KLHL25: variants seen among roughly 807,000 people sequenced by gnomAD.
KLHL25 encodes the protein kelch like family member 25.
In KLHL25, 41 loss-of-function variants were observed where a neutral mutation model predicts 30.0. That is an observed-to-expected ratio of 1.37 (90% confidence interval 1.07 to 1.78). The LOEUF is 1.78. Among genes scored for constraint, KLHL25 ranks in the 40% most tolerant of loss-of-function variants. The pLI is 0.00. For missense variants in KLHL25, 971 were observed against 824.5 expected (o/e 1.18, Z -2.18); for synonymous variants, 399 against 355.3 (o/e 1.12, Z -1.38).
rs555483438 is a variant in KLHL25 at position 85,776,879 on chromosome 15, G to A, written c.-10-7059C>T. Among the ~76,000 whole-genome samples, 197 of 151,428 alleles carry A rather than the reference G, an allele frequency of 1.3e-3. 1 individual carries two copies. Among genetic ancestry groups the A allele is most frequent in the Middle Eastern group, 0.01 (3 of 292 alleles). Reference sequence around the variant, plus strand: ...GGCGGAGGTTGCAGTGAGCCGAGATGCCACCATCGCACTCCAGCCTGGGGG... The same window carrying A: ...GGCGGAGGTTGCAGTGAGCCGAGATACCACCATCGCACTCCAGCCTGGGGG... On this transcript the variant is annotated intron_variant, in intron 1 of 2. Transcript: ENST00000337975.
At chr15:85,792,199 G>A (rs1379838554) in intron 1 of KLHL25, among the ~76,000 whole-genome samples, 2 of 152,142 alleles carry the variant, frequency 1.3e-5, no homozygotes, top group East Asian at 3.8e-4. Flanking sequence ...GTCCTGTTGG[G>A]ATGCTGTGAC....
intron 2 of KLHL25, chr15:85,762,347 TC>T (rs1567236614): frequency 6.6e-6 from 1 of 152,456 alleles, no homozygotes; most frequent in Non-Finnish European, 1.5e-5. Context: ...CCTGGGGGTG[TC>T]CCCCAAGGCA....
At chr15:85,785,670 C>G (rs559292022) in intron 1 of KLHL25, among the ~76,000 whole-genome samples, 1 of 152,084 alleles carries the variant, frequency 6.6e-6, no homozygotes, top group South Asian at 2.1e-4. Context: ...ACGTGTCTTG[C>G]TTTGTACAAC....
intron 1 of KLHL25, among the ~76,000 whole-genome samples, chr15:85,781,586 C>T (rs1204118862): frequency 3.3e-5 from 5 of 152,126 alleles, no homozygotes; most frequent in Non-Finnish European, 7.4e-5. Flanking sequence ...TGGGTTCAAG[C>T]AATTCTCCTG....
chr15:85,766,801 T>C (rs1420433745), intron 2 of KLHL25, among the ~76,000 whole-genome samples: 2 of 152,204 alleles, frequency 1.3e-5, no homozygotes, highest in African/African-American at 4.8e-5. Flanking sequence ...TCGCTTAAGC[T>C]AGACGCCTGC....
rs776768594 is a variant in KLHL25 at position 85,760,190 on chromosome 15, T to G, written c.*846A>C. 1 of 152,158 alleles carries G rather than the reference T, an allele frequency of 6.6e-6. No individual in the cohort carries two copies. 9.4% of individuals were successfully genotyped at this position (152,158 alleles called of 1,614,324 possible). A position where few individuals can be genotyped will look rare whatever the true frequency, so the allele number is the denominator to read the frequency against. ...GGTCTTGGAGGGCAGCGTGGTCTCC[T>G]GGGGAGAAGCCCCCAGTGCTGTTGG... On this transcript the variant is annotated 3_prime_UTR_variant, in exon 3 of 3. Transcript: ENST00000337975.
Position 85,769,191 on chromosome 15 carries a change from T to C in KLHL25, c.620A>G (p.Glu207Gly). 6.2e-7 allele frequency: 1 copy of C among 1,613,586 alleles called. No homozygotes were observed. Among genetic ancestry groups the C allele is most frequent in the Non-Finnish European group, 8.5e-7 (1 of 1,180,008 alleles). ...ISSDELETED[E>G]RVVFEAILQW... ...GAGGATGGCCTCGAAGACCACCCGC[T>C]CGTCCTCGGTCTCCAGCTCATCACT... is the stretch of plus-strand genomic sequence containing the variant. The change falls in exon 2 of 3, where the codon GAG becomes GGG. Residue 207 changes from glutamate (E) to glycine (G), a missense_variant. By Grantham distance (98) the Glu-to-Gly change is moderately conservative. Transcript: ENST00000337975.
intron 1 of KLHL25, chr15:85,770,991 A>G (rs1353212030): frequency 4.8e-6 from 1 of 206,596 alleles, no homozygotes; most frequent in East Asian, 1.5e-4. Context: ...CCTAGAGAAA[A>G]CATGGCCAAC....
chr15:85,786,014 C>G (rs554919113), intron 1 of KLHL25, among the ~76,000 whole-genome samples: 2 of 123,564 alleles, frequency 1.6e-5, no homozygotes, highest in African/African-American at 6.1e-5. Context: ...GAGTGAGATG[C>G]TTCCCTTACT....
intron 1 of KLHL25, among the ~76,000 whole-genome samples, chr15:85,782,832 C>A (rs1286129207): frequency 1.3e-5 from 2 of 152,206 alleles, no homozygotes; most frequent in Non-Finnish European, 2.9e-5. Flanking sequence ...TGCTGGACAG[C>A]ACTGTTCACT....
intron 1 of KLHL25, among the ~76,000 whole-genome samples, chr15:85,785,163 G>A (rs1384725900): frequency 2.1e-5 from 3 of 146,256 alleles, no homozygotes; most frequent in Admixed American, 7.0e-5. Flanking sequence ...GTGTGATCTC[G>A]GCTCACTGCC....
chr15:85,776,124 G>T (rs1269170662), intron 1 of KLHL25, among the ~76,000 whole-genome samples: 1 of 149,892 alleles, frequency 6.7e-6, no homozygotes, highest in South Asian at 2.1e-4. Flanking sequence ...AGTGGGCCGA[G>T]ATCACGCCAC....
At chr15:85,770,938 C>CCTG in intron 1 of KLHL25, 2 of 242,468 alleles carry the variant, frequency 8.2e-6, no homozygotes, top group Non-Finnish European at 1.6e-5. Context: ...CAGTTCAGTA[C>CCTG]TTTGAACTCA....
At position 85,759,446 on chromosome 15, in the gene KLHL25, C is replaced by G. The variant is rs1166408007; in HGVS notation, c.*1590G>C. 2 of 152,502 alleles carry G rather than the reference C, an allele frequency of 1.3e-5. No individual in the cohort carries two copies. Among genetic ancestry groups the G allele is most frequent in the African/African-American group, 4.8e-5 (2 of 41,472 alleles). The allele number at this position is 152,502 out of a possible 1,614,324, so 9.4% of individuals were successfully genotyped here. A position where few individuals can be genotyped will look rare whatever the true frequency, so the allele number is the denominator to read the frequency against. ...TGTGCTTTATCTCAATGAAGCAACC[C>G]CACGGGTCCAGGCACCCTCCCTGCA... On this transcript the variant is annotated 3_prime_UTR_variant, in exon 3 of 3. Coordinates refer to ENST00000337975, the MANE Select transcript of KLHL25 (RefSeq NM_022480.4).
At chr15:85,767,059 T>C (rs369406786) in intron 2 of KLHL25, among the ~76,000 whole-genome samples, 95 of 151,890 alleles carry the variant, frequency 6.3e-4, no homozygotes, top group African/African-American at 2.2e-3. Flanking sequence ...GGCATGATCT[T>C]GGCTCACTGC....
chr15:85,766,301 G>A (rs1397815942), intron 2 of KLHL25, among the ~76,000 whole-genome samples: 1 of 152,216 alleles, frequency 6.6e-6, no homozygotes, highest in Non-Finnish European at 1.5e-5. Flanking sequence ...AGTGCACCCA[G>A]GGATCTTATG....
At chr15:85,782,105 C>G (rs1597279660) in intron 1 of KLHL25, among the ~76,000 whole-genome samples, 1 of 151,970 alleles carries the variant, frequency 6.6e-6, no homozygotes, top group Non-Finnish European at 1.5e-5. Flanking sequence ...TAGCAAAGTA[C>G]AGGGGCCGTG....
At position 85,768,482 on chromosome 15, in the gene KLHL25, C is replaced by T; in HGVS notation, c.1329G>A (p.Lys443=). The change falls in exon 2 of 3, where the codon AAG becomes AAA. Residue 443 remains lysine (K), a synonymous_variant. Coordinates refer to ENST00000337975, the MANE Select transcript of KLHL25 (RefSeq NM_022480.4). ...TTCCTCCGAAAACAAAGAGCTTCAG[C>T]TTGGCACTCACCACTGCGGCATTGC... is the stretch of plus-strand genomic sequence containing the variant. ...GVSNAAVVSA[K]LKLFVFGGTS... is the part of the protein sequence containing the mutation. 1 of 1,613,714 alleles carries T rather than the reference C, an allele frequency of 6.2e-7. No homozygotes were observed. Among genetic ancestry groups the T allele is most frequent in the Non-Finnish European group, 8.5e-7 (1 of 1,180,010 alleles).
intron 1 of KLHL25, among the ~76,000 whole-genome samples, chr15:85,782,504 C>T (rs1053340371): frequency 1.3e-5 from 2 of 151,308 alleles, no homozygotes; most frequent in Non-Finnish European, 1.5e-5. Flanking sequence ...CTCCCTCTCT[C>T]GGCTTTAGCT....
Sources: allele counts gnomAD v4.1 joint callset (sites outside exome capture counted in the v4.1 genomes callset), GRCh38; gene constraint gnomAD v4.1.1; transcripts MANE v1.5; gene names NCBI Gene and HGNC (gene_info 2026-07-23, HGNC 2026-07-21).